Variants in ERBB4 observed in about 807,000 individuals in gnomAD.
ERBB4 encodes the protein erb-b2 receptor tyrosine kinase 4, also known as receptor tyrosine-protein kinase erbB-4.
A neutral mutation model predicts 158.0 loss-of-function variants in ERBB4; 42 were observed. That is an observed-to-expected ratio of 0.27 (90% CI 0.21 to 0.34). ERBB4 has a LOEUF of 0.34. Ranked by LOEUF, ERBB4 falls within the 10% of genes least tolerant of loss-of-function variation. ERBB4 has a pLI of 1.00. For synonymous variants in ERBB4, 583 were observed against 558.7 expected, an observed-to-expected ratio of 1.04 and a Z score of -0.61; for missense variants, 1,333 against 1,624.1, an observed-to-expected ratio of 0.82 and a Z score of 3.08.
chr2:212,535,561 A>G (rs1325042258), intron 1 of ERBB4, among the ~76,000 whole-genome samples: 1 of 152,156 alleles, frequency 6.6e-6, no homozygotes, highest in East Asian at 1.9e-4. Context: ...TAAGAGTACC[A>G]CCTCAATGCT....
chr2:211,401,378 A>AT (rs112672424), intron 25 of ERBB4, among the ~76,000 whole-genome samples: 81 of 150,428 alleles, frequency 5.4e-4, no homozygotes, highest in African/African-American at 1.3e-3. Flanking sequence ...GTTGGCATTG[A>AT]TTTTTTTTTT....
At chr2:212,084,453 A>G (rs961690317) in intron 2 of ERBB4, among the ~76,000 whole-genome samples, 2 of 151,958 alleles carry the variant, frequency 1.3e-5, no homozygotes, top group African/African-American at 4.8e-5. Flanking sequence ...CAGATTCTCA[A>G]ATAAAGAAAA....
rs759363143 is a variant in ERBB4, at chr2:211,619,294, A to C, written c.2203-19T>G. ...AAATACCCTTTGGGGAAAAAAATTT[A>C]CATTAAATATGACATCTCAACCTAT... On this transcript the variant is annotated intron_variant, in intron 18 of 27. Transcript: ENST00000342788. 3.6e-6 allele frequency: 5 copies of C among 1,377,360 alleles called. No homozygotes were observed. Among genetic ancestry groups the C allele is most frequent in the Non-Finnish European group, 5.2e-6 (5 of 964,576 alleles). 85.3% of individuals were successfully genotyped at this position (1,377,360 alleles called of 1,614,324 possible).
chr2:211,802,241 A>G, intron 3 of ERBB4, among the ~76,000 whole-genome samples: 1 of 148,262 alleles, frequency 6.7e-6, no homozygotes. Flanking sequence ...CCTGGGCGAA[A>G]GAGCGAGACT....
intron 1 of ERBB4, among the ~76,000 whole-genome samples, chr2:212,530,919 C>T (rs1400038643): frequency 1.3e-5 from 2 of 152,106 alleles, no homozygotes; most frequent in African/African-American, 4.8e-5. Context: ...AAACTATGTT[C>T]GAAATGAAAT....
At chr2:211,927,952 G>A (rs2080065595) in intron 3 of ERBB4, among the ~76,000 whole-genome samples, 1 of 151,808 alleles carries the variant, frequency 6.6e-6, no homozygotes, top group Non-Finnish European at 1.5e-5. Context: ...ATACATACAG[G>A]GGTACATCAG....
rs199734814 is a variant in ERBB4, at chr2:211,431,029, A to G, written c.2559T>C (p.Ser853=). The part of the protein sequence containing the change: ...DLAARNVLVK[S]PNHVKITDFG... ...AATCTGTGATTTTCACATGGTTTGGAGATTTCACTAAGACATTACGGGCTG... is the reference window on the plus strand; with the variant it reads ...AATCTGTGATTTTCACATGGTTTGGGGATTTCACTAAGACATTACGGGCTG... The change falls in exon 21 of 28, where the codon TCT becomes TCC. Residue 853 remains serine, a synonymous_variant. Transcript: ENST00000342788. 30 of 1,613,802 alleles carry G rather than the reference A, an allele frequency of 1.9e-5. 1 individual carries two copies. In the East Asian group the frequency reaches 5.8e-4, roughly 31 times the overall value.
At chr2:211,989,682 T>G (rs921804425) in intron 2 of ERBB4, among the ~76,000 whole-genome samples, 1 of 151,948 alleles carries the variant, frequency 6.6e-6, no homozygotes, top group Admixed American at 6.6e-5. Flanking sequence ...GCTATGATAT[T>G]AGGCATATTG....
chr2:212,034,739 T>C (rs2076976030), intron 2 of ERBB4, among the ~76,000 whole-genome samples: 2 of 152,168 alleles, frequency 1.3e-5, no homozygotes. Flanking sequence ...TTTAGCCTTT[T>C]TCTCTTATAT....
intron 20 of ERBB4, among the ~76,000 whole-genome samples, chr2:211,476,344 A>C (rs1296416078): frequency 6.6e-6 from 1 of 152,140 alleles, no homozygotes; most frequent in African/African-American, 2.4e-5. Context: ...AAAAAAATGC[A>C]AACTTCCTTT....
chr2:212,486,705 A>C (rs1690000069), intron 1 of ERBB4, among the ~76,000 whole-genome samples: 1 of 152,202 alleles, frequency 6.6e-6, no homozygotes, highest in Non-Finnish European at 1.5e-5. Context: ...GGGAAAACAA[A>C]TCATCTCAGG....
chr2:211,820,561 G>A (rs1291193606), intron 3 of ERBB4, among the ~76,000 whole-genome samples: 1 of 151,692 alleles, frequency 6.6e-6, no homozygotes, highest in African/African-American at 2.4e-5. Flanking sequence ...TTGAAAAGGA[G>A]GAAATTTCTT....
chr2:211,939,981 G>A (rs60658993), intron 3 of ERBB4, among the ~76,000 whole-genome samples: 2 of 131,846 alleles, frequency 1.5e-5, no homozygotes, highest in Non-Finnish European at 3.4e-5. Context: ...ATATATATAT[G>A]TATATAGATA....
intron 1 of ERBB4, among the ~76,000 whole-genome samples, chr2:212,510,142 A>G (rs1385540220): frequency 6.8e-6 from 1 of 148,058 alleles, no homozygotes; most frequent in African/African-American, 2.5e-5. Context: ...GTGTGTGTAT[A>G]TATATACATA....
In ERBB4 at chr2:212,124,777, T is replaced by C. The variant is rs751161112; in HGVS notation, c.209A>G (p.His70Arg). 2 of 1,614,180 alleles carry C rather than the reference T, an allele frequency of 1.2e-6. No individual in the cohort carries two copies. The highest frequency in any genetic ancestry group is 1.7e-6 in the Non-Finnish European group (2 of 1,180,018). Residue 70 changes from histidine (H) to arginine (R), a missense_variant, in exon 2 of 28, where the codon CAC becomes CGC. Physicochemically the swap from His to Arg is conservative, Grantham distance 29. Around this residue, in one of 5 missense-constraint regions of ERBB4, gnomAD observed 438 missense variants for 586.9 expected, o/e 0.75. Transcript: ENST00000342788. ...MGNLEITSIE[H>R]NRDLSFLRSV... ...CCGCAGGAAGGAGAGGTCCCGGTTG[T>C]GCTCAATGCTGGTTATCTCCAGGTT... is the stretch of plus-strand genomic sequence containing the variant.
intron 3 of ERBB4, among the ~76,000 whole-genome samples, chr2:211,818,535 A>G (rs866114244): frequency 7.2e-5 from 11 of 152,198 alleles, no homozygotes; most frequent in African/African-American, 2.6e-4. Flanking sequence ...TCAATTAACA[A>G]TGGTCTCCAA....
intron 3 of ERBB4, among the ~76,000 whole-genome samples, chr2:211,878,203 T>G (rs2078563192): frequency 6.6e-6 from 1 of 152,338 alleles, no homozygotes; most frequent in African/African-American, 2.4e-5. Flanking sequence ...TCGAAATTTA[T>G]CTTATAATTT....
chr2:212,305,107 T>C (rs1052284405), intron 1 of ERBB4, among the ~76,000 whole-genome samples: 16 of 151,462 alleles, frequency 1.1e-4, no homozygotes, highest in African/African-American at 3.6e-4. Flanking sequence ...TATTTTATTA[T>C]TTTATAATGG....
At chr2:211,404,579 CAACT>C (rs2063110803) in intron 25 of ERBB4, among the ~76,000 whole-genome samples, 2 of 152,138 alleles carry the variant, frequency 1.3e-5, no homozygotes, top group African/African-American at 4.8e-5. Context: ...TCTTGACAGA[CAACT>C]AACTTTGTTA....
Sources: allele counts gnomAD v4.1 joint callset (sites outside exome capture counted in the v4.1 genomes callset), GRCh38; gene constraint gnomAD v4.1.1; regional missense constraint gnomAD v4.1.1; transcripts MANE v1.5; gene names NCBI Gene and HGNC (gene_info 2026-07-23, HGNC 2026-07-21).